CSMD1: variants seen among roughly 807,000 people sequenced by gnomAD.
CSMD1 encodes CUB and Sushi multiple domains 1.
Under a neutral mutation model 417.5 loss-of-function variants are expected in CSMD1, and 213 were observed. The observed-to-expected ratio is 0.51, with a 90% CI of 0.46 to 0.57. CSMD1 has a LOEUF of 0.57. Ranked by LOEUF, CSMD1 falls within the 20% of genes least tolerant of loss-of-function variation. CSMD1 has a pLI of 0.00. For synonymous variants in CSMD1, 2,862 were observed against 1,736.8 expected (o/e 1.65, Z -16.11); for missense variants, 6,923 against 4,529.7 (o/e 1.53, Z -15.17).
At chr8:3,002,617 G>C (rs1232912525) in intron 52 of CSMD1, among the ~76,000 whole-genome samples, 6 of 152,144 alleles carry the variant, frequency 3.9e-5, no homozygotes, top group African/African-American at 9.7e-5. Flanking sequence ...AATCTGTTCA[G>C]GTCTCATTCT....
chr8:4,810,009 G>A lies in CSMD1; in HGVS notation c.86-172451C>T, dbSNP rs1018039790. Among the ~76,000 whole-genome samples the A allele has an allele frequency of 3.3e-5, 5 of 152,154 alleles. No homozygotes were observed. In the East Asian group the frequency reaches 7.7e-4, roughly 23 times the overall value. ...TGTCAGGAATATCAAGTGAATATAT[G>A]CCAAGTGCTTAGAATGAGGGTTAGC... is the stretch of plus-strand genomic sequence containing the variant. On this transcript the variant is annotated intron_variant, in intron 1 of 69. Coordinates refer to ENST00000635120, the MANE Select transcript of CSMD1 (RefSeq NM_033225.6).
At chr8:2,989,779 T>C (rs541225087) in intron 54 of CSMD1, among the ~76,000 whole-genome samples, 40 of 152,336 alleles carry the variant, frequency 2.6e-4, no homozygotes, top group African/African-American at 9.6e-4. Flanking sequence ...AAAAGCCCAC[T>C]CTTTTGAGTT....
chr8:3,097,847 G>A (rs1239587604), intron 46 of CSMD1, among the ~76,000 whole-genome samples: 2 of 152,168 alleles, frequency 1.3e-5, no homozygotes, highest in African/African-American at 4.8e-5. Flanking sequence ...AAGAATTAGA[G>A]ACCTGGTCTC....
At chr8:3,718,674 C>A (rs1008462897) in intron 6 of CSMD1, among the ~76,000 whole-genome samples, 1 of 152,120 alleles carries the variant, frequency 6.6e-6, no homozygotes, top group Non-Finnish European at 1.5e-5. Flanking sequence ...GTCCACAAAA[C>A]CTTGATGACT....
intron 5 of CSMD1, among the ~76,000 whole-genome samples, chr8:3,974,722 C>A (rs1034204747): frequency 6.6e-6 from 1 of 151,312 alleles, no homozygotes; most frequent in Non-Finnish European, 1.5e-5. Context: ...AGATGAAGAA[C>A]AGAACAGGCA....
chr8:3,644,971 A>AT (rs1265327137), intron 7 of CSMD1, among the ~76,000 whole-genome samples: 3,380 of 104,044 alleles, frequency 0.032, 43 homozygotes, highest in Middle Eastern at 0.082. Context: ...TAAATGAAAA[A>AT]AAAAAAAAAA....
intron 42 of CSMD1, 24 bp from the exon 43 acceptor site, chr8:3,110,359 C>A (rs1585375695): frequency 1.3e-6 from 2 of 1,577,204 alleles, no homozygotes; most frequent in South Asian, 2.3e-5. Context: ...CAAGAAAAAA[C>A]AAGCGCCATA....
At chr8:4,146,317 G>C (rs566785683) in intron 3 of CSMD1, among the ~76,000 whole-genome samples, 19 of 150,964 alleles carry the variant, frequency 1.3e-4, no homozygotes, top group African/African-American at 4.0e-4. Flanking sequence ...CTTGGTGTCT[G>C]ACACATCCAA....
Position 4,637,482 on chromosome 8 carries a change from G to C in CSMD1, c.162C>G (p.Asn54Lys), listed in dbSNP as rs778556010. 1.2e-6 allele frequency: 2 copies of C among 1,613,850 alleles called. No homozygotes were observed. The highest frequency in any genetic ancestry group is 2.2e-5 in the East Asian group (1 of 44,850). Reference protein sequence around the residue: ...ESPGFPHGYPNYANCTWIIIT... With the variant: ...ESPGFPHGYPKYANCTWIIIT... ...TGATGATCCAGGTGCAGTTGGCATA[G>C]TTCGGATACCCGTGAGGAAACCCTG... The change falls in exon 2 of 70, where the codon AAC becomes AAG. Residue 54 changes from asparagine (N) to lysine (K), a missense_variant. Coordinates refer to ENST00000635120, the MANE Select transcript of CSMD1 (RefSeq NM_033225.6).
chr8:3,456,851 C>T (rs773353192), intron 12 of CSMD1, among the ~76,000 whole-genome samples: 18 of 152,170 alleles, frequency 1.2e-4, no homozygotes, highest in East Asian at 3.9e-4. Context: ...AACTGAAACC[C>T]GAGCCCAGGT....
In CSMD1 at chr8:3,162,797, G is replaced by A. The variant is rs566268339; in HGVS notation, c.5726-520C>T. ...TAAAGACAACAAAAAAGGATCTCATGAACAGTCTGTTCTTCATTAAACAGA... is the reference window on the plus strand; with the variant it reads ...TAAAGACAACAAAAAAGGATCTCATAAACAGTCTGTTCTTCATTAAACAGA... On this transcript the variant is annotated intron_variant, in intron 37 of 69. Coordinates refer to ENST00000635120, the MANE Select transcript of CSMD1 (RefSeq NM_033225.6). Among the ~76,000 whole-genome samples the A allele has an allele frequency of 4.6e-5, 7 of 151,720 alleles. No homozygotes were observed. The East Asian group carries it at 1.4e-3, about 29-fold the overall frequency.
chr8:2,994,864 T>TA (rs1025989263), intron 54 of CSMD1, among the ~76,000 whole-genome samples: 2 of 152,114 alleles, frequency 1.3e-5, no homozygotes, highest in African/African-American at 4.8e-5. Flanking sequence ...ATCCATAGGT[T>TA]AAAAAAAGAA....
At chr8:3,362,716 A>G (rs1031689253) in intron 20 of CSMD1, among the ~76,000 whole-genome samples, 2 of 152,188 alleles carry the variant, frequency 1.3e-5, no homozygotes, top group African/African-American at 2.4e-5. Flanking sequence ...CTTTGCTTCC[A>G]GTGGTTTTCA....
intron 2 of CSMD1, among the ~76,000 whole-genome samples, chr8:4,560,177 T>G (rs997500554): frequency 6.6e-6 from 1 of 152,196 alleles, no homozygotes; most frequent in African/African-American, 2.4e-5. Context: ...TCACCGCACT[T>G]TCTCAGTTCC....
intron 6 of CSMD1, among the ~76,000 whole-genome samples, chr8:3,719,512 T>G (rs1802026800): frequency 6.6e-6 from 1 of 152,218 alleles, no homozygotes; most frequent in Non-Finnish European, 1.5e-5. Flanking sequence ...GGACCATTCA[T>G]TACAATGAAG....
chr8:3,757,717 C>A (rs1439262686), intron 5 of CSMD1, among the ~76,000 whole-genome samples: 2 of 151,980 alleles, frequency 1.3e-5, no homozygotes, highest in Non-Finnish European at 2.9e-5. Flanking sequence ...GGCATGGTGG[C>A]AGGCACAGGT....
At chr8:4,223,031 C>T (rs775574343) in intron 3 of CSMD1, among the ~76,000 whole-genome samples, 2 of 152,044 alleles carry the variant, frequency 1.3e-5, no homozygotes, top group Non-Finnish European at 2.9e-5. Flanking sequence ...ATAAGAAGAA[C>T]TGACAACAGG....
chr8:4,765,221 C>G (rs969956376), intron 1 of CSMD1, among the ~76,000 whole-genome samples: 1 of 152,100 alleles, frequency 6.6e-6, no homozygotes, highest in African/African-American at 2.4e-5. Context: ...TGGCATAGCT[C>G]TTACCTAGGC....
intron 5 of CSMD1, among the ~76,000 whole-genome samples, chr8:3,995,400 C>T (rs1196914350): frequency 1.3e-5 from 2 of 152,196 alleles, no homozygotes; most frequent in Admixed American, 6.5e-5. Flanking sequence ...TGTTGACCCA[C>T]GACATATGCT....
Sources: allele counts gnomAD v4.1 joint callset (sites outside exome capture counted in the v4.1 genomes callset), GRCh38; gene constraint gnomAD v4.1.1; transcripts MANE v1.5; gene names NCBI Gene and HGNC (gene_info 2026-07-23, HGNC 2026-07-21).